Variants in CNOT1 observed in about 807,000 individuals in gnomAD.
The protein encoded by CNOT1 is CCR4-NOT transcription complex subunit 1, also known as CCR4-associated factor 1.
A neutral mutation model predicts 273.8 loss-of-function variants in CNOT1; 15 were observed. The observed-to-expected ratio is 0.05, with a 90% CI of 0.04 to 0.08. CNOT1 has a LOEUF of 0.08. CNOT1 is among the 10% of genes least tolerant of loss of function. The probability of loss-of-function intolerance (pLI) is 1.00; values close to 1 mark genes in which losing one functional copy is unlikely to be tolerated. For synonymous variants in CNOT1, 1,022 were observed against 1,005.5 expected (o/e 1.02, Z -0.31); for missense variants, 1,644 against 2,912.2 (o/e 0.56, Z 10.02).
intron 16 of CNOT1, among the ~76,000 whole-genome samples, chr16:58,572,383 G>A (rs1443441355): frequency 6.6e-6 from 1 of 151,984 alleles, no homozygotes; most frequent in South Asian, 2.1e-4. Flanking sequence ...GTAATCAATC[G>A]CAGCACTTCT....
intron 1 of CNOT1, among the ~76,000 whole-genome samples, chr16:58,615,238 T>G (rs71389027): frequency 8.0e-6 from 1 of 124,894 alleles, no homozygotes; most frequent in African/African-American, 2.7e-5. Context: ...GAAGCTACTT[T>G]GATTGGTTTG....
At chr16:58,550,963 TA>T (rs2040431431) in intron 24 of CNOT1, among the ~76,000 whole-genome samples, 168 bp downstream of exon 24, 1 of 152,134 alleles carries the variant, frequency 6.6e-6, no homozygotes, top group South Asian at 2.1e-4. Context: ...AACAAAACCT[TA>T]AAAACTGGTA....
intron 10 of CNOT1, 114 bp downstream of exon 10, chr16:58,582,679 G>T: frequency 1.5e-6 from 1 of 680,858 alleles, no homozygotes; most frequent in Non-Finnish European, 2.6e-6. Context: ...CAATTAACTT[G>T]GACACTTTAT....
chr16:58,621,393 C>T (rs2043309251), intron 1 of CNOT1, among the ~76,000 whole-genome samples: 1 of 152,044 alleles, frequency 6.6e-6, no homozygotes, highest in South Asian at 2.1e-4. Context: ...CCTGCCTCAG[C>T]CTCCCAAGTA....
In CNOT1 at chr16:58,532,652, C is replaced by G. The variant is rs1028553073; in HGVS notation, c.5896-257G>C. 5.2e-5 allele frequency: 24 copies of G among 462,864 alleles called. 1 individual carries two copies. The highest frequency in any genetic ancestry group is 7.7e-5 in the African/African-American group (4 of 51,746). 28.7% of individuals were successfully genotyped at this position (462,864 alleles called of 1,614,324 possible). ...TATTCTCCACAAATGCCCAATGGTT[C>G]TTCTTCAGCTCTAGAAATCAGCAAG... On this transcript the variant is annotated intron_variant, in intron 40 of 48. Coordinates refer to ENST00000317147, the MANE Select transcript of CNOT1 (RefSeq NM_016284.5).
chr16:58,560,037 T>TA (rs2040776743), intron 17 of CNOT1, 175 bp downstream of exon 17: 1 of 1,475,272 alleles, frequency 6.8e-7, no homozygotes, highest in Non-Finnish European at 9.1e-7. Context: ...TATTTGATGA[T>TA]AAAATCTATT....
chr16:58,544,103 C>T (rs2040180099), intron 30 of CNOT1, among the ~76,000 whole-genome samples, 200 bp from the exon 31 acceptor site: 1 of 152,126 alleles, frequency 6.6e-6, no homozygotes, highest in Non-Finnish European at 1.5e-5. Flanking sequence ...CTGTGATACA[C>T]AATAATAGAT....
intron 16 of CNOT1, among the ~76,000 whole-genome samples, chr16:58,572,218 G>A (rs1044453213): frequency 5.9e-5 from 9 of 151,798 alleles, no homozygotes; most frequent in Non-Finnish European, 8.8e-5. Flanking sequence ...AGGAGGCGGA[G>A]GGTTGCGGTG....
chr16:58,583,882 G>GT (rs201479239), intron 8 of CNOT1, among the ~76,000 whole-genome samples: 2 of 151,566 alleles, frequency 1.3e-5, no homozygotes, highest in East Asian at 3.9e-4. Context: ...AAAAATCAGT[G>GT]TAAGAGCCGG....
chr16:58,607,486 G>A lies in CNOT1; in HGVS notation c.-174-7975C>T, dbSNP rs561102017. 9.9e-5 allele frequency among the ~76,000 whole-genome samples: 15 copies of A among 152,000 alleles called. No homozygotes were observed. The East Asian group carries it at 2.5e-3, about 25-fold the overall frequency. ...GCCACGGCTGCAATCCCAGCACTTC[G>A]GGAGGCCAAGGCAGGCATTCACCTG... On this transcript the variant is annotated intron_variant, in intron 1 of 48. Transcript: ENST00000317147.
At chr16:58,556,009 G>T in intron 19 of CNOT1, 101 bp from the exon 20 acceptor site, 1 of 1,519,786 alleles carries the variant, frequency 6.6e-7, no homozygotes, top group South Asian at 1.3e-5. Context: ...AACTTCAAGG[G>T]AAATATAAAA....
In CNOT1 at chr16:58,553,802, A is replaced by G; in HGVS notation, c.2950T>C (p.Phe984Leu). The G allele has an allele frequency of 2.5e-6, 4 of 1,611,758 alleles. No homozygotes were observed. Among genetic ancestry groups the G allele is most frequent in the Non-Finnish European group, 3.4e-6 (4 of 1,179,412 alleles). ...HLASISHFMQFPHHLQEYIEY... is the reference protein window; with the variant it reads ...HLASISHFMQLPHHLQEYIEY... ...CTTACCTCCTGTAAATGATGTGGAA[A>G]TTGCATAAAGTGACTGATAGAAGCC... is the stretch of plus-strand genomic sequence containing the variant. The change falls in exon 22 of 49, where the codon TTT (phenylalanine) becomes CTT (leucine). Residue 984 changes from phenylalanine to leucine, a missense_variant. Physicochemically the swap from Phe to Leu is conservative, Grantham distance 22. Transcript: ENST00000317147.
intron 43 of CNOT1, among the ~76,000 whole-genome samples, chr16:58,529,061 T>C (rs1300929001): frequency 6.6e-6 from 1 of 151,878 alleles, no homozygotes; most frequent in Non-Finnish European, 1.5e-5. Flanking sequence ...AAAAATAAAT[T>C]GATAAACCCT....
intron 2 of CNOT1, 159 bp downstream of exon 2, chr16:58,599,077 G>T: frequency 4.2e-6 from 3 of 719,926 alleles, no homozygotes; most frequent in African/African-American, 1.8e-5. Context: ...AAAAGATTGG[G>T]CTAAGAGCTC....
chr16:58,578,021 T>C (rs1326724468), intron 13 of CNOT1, among the ~76,000 whole-genome samples: 1 of 152,166 alleles, frequency 6.6e-6, no homozygotes, highest in Non-Finnish European at 1.5e-5. Flanking sequence ...AGAGTGCTAA[T>C]TAAAAATTGC....
chr16:58,585,053 G>A (rs1194766790), intron 8 of CNOT1, among the ~76,000 whole-genome samples: 1 of 152,126 alleles, frequency 6.6e-6, no homozygotes, highest in East Asian at 1.9e-4. Flanking sequence ...TTGCTTCAAT[G>A]CTCTCTCTTC....
At chr16:58,564,001 C>T (rs2040948975) in intron 16 of CNOT1, among the ~76,000 whole-genome samples, 1 of 152,160 alleles carries the variant, frequency 6.6e-6, no homozygotes, top group Non-Finnish European at 1.5e-5. Flanking sequence ...CAGTACAGAA[C>T]AGCCATTCAA....
rs753016031 is a variant in CNOT1 at position 58,549,797 on chromosome 16, C to T, written c.3444G>A (p.Leu1148=). 1.2e-6 allele frequency: 2 copies of T among 1,614,024 alleles called. No homozygotes were observed. The highest frequency in any genetic ancestry group is 1.7e-6 in the Non-Finnish European group (2 of 1,179,984). The part of the protein sequence containing the change: ...RVSIEPNFHS[L]YSNFLDTLKN... ...TCAGCGTGTCAAGGAAGTTTGAATA[C>T]AGGCTATGAAAGTTTGGCTCAATAC... The change falls in exon 25 of 49, where the codon CTG becomes CTA. Residue 1148 remains leucine (L), a synonymous_variant. Coordinates refer to ENST00000317147, the MANE Select transcript of CNOT1 (RefSeq NM_016284.5).
chr16:58,619,313 A>AAC (rs370621704), intron 1 of CNOT1, among the ~76,000 whole-genome samples: 54,835 of 151,878 alleles, frequency 0.36, 10,875 homozygotes, highest in Non-Finnish European at 0.45. Context: ...GAACTTGTTA[A>AAC]AACTCAAGTC....
Sources: gnomAD v4.1 joint callset for allele counts (sites outside exome capture counted in the v4.1 genomes callset) on GRCh38, gnomAD v4.1.1 for gene constraint, MANE v1.5 for transcripts, NCBI Gene and HGNC (gene_info 2026-07-23, HGNC 2026-07-21) for gene names.